The following NPIPA5 variants were observed in gnomAD, a reference collection of about 807,000 sequenced individuals.
NPIPA5 encodes nuclear pore complex-interacting protein family member A5.
Under a neutral mutation model 21.4 loss-of-function variants are expected in NPIPA5, and 6 were observed. That is an observed-to-expected ratio of 0.28 (90% CI 0.15 to 0.55). NPIPA5 has a LOEUF of 0.55. Among genes scored for constraint, NPIPA5 ranks in the 20% least tolerant of loss-of-function variants. The probability of loss-of-function intolerance (pLI) is 0.93; values close to 1 mark genes in which losing one functional copy is unlikely to be tolerated. For synonymous variants in NPIPA5, 33 were observed against 115.3 expected (o/e 0.29, Z 4.57); for missense variants, 99 against 318.2 (o/e 0.31, Z 5.24).
chr16:15,381,026 G>A (rs1177738117), upstream of NPIPA5: 5 of 1,512,172 alleles, frequency 3.3e-6, no homozygotes, highest in Admixed American at 6.8e-5. Context: ...CGTGGGGTCA[G>A]GACAATAGAG....
intron 4 of NPIPA5, among the ~76,000 whole-genome samples, chr16:15,367,232 T>A (rs1431165442): frequency 2.6e-5 from 4 of 152,148 alleles, no homozygotes; most frequent in Non-Finnish European, 2.9e-5. Flanking sequence ...ATGCCGGAAC[T>A]GAGACCATCA....
upstream of NPIPA5, among the ~76,000 whole-genome samples, chr16:15,378,750 A>C (rs2050369633): frequency 1.9e-4 from 4 of 21,428 alleles, no homozygotes; most frequent in Admixed American, 1.4e-3. Context: ...TTAACATCCG[A>C]AACCGAGTGA....
upstream of NPIPA5, chr16:15,381,539 T>C (rs1422752492): frequency 1.5e-5 from 9 of 583,212 alleles, no homozygotes; most frequent in African/African-American, 2.0e-5. Flanking sequence ...AGGTGCTCAA[T>C]AAACACTTGT....
chr16:15,376,058 A>G (rs2050283125), intron 1 of NPIPA5, among the ~76,000 whole-genome samples: 1 of 152,056 alleles, frequency 6.6e-6, no homozygotes, highest in Non-Finnish European at 1.5e-5. Flanking sequence ...AGAGAAGCAT[A>G]CAACAATGGT....
chr16:15,379,680 G>T (rs1163504530), upstream of NPIPA5, among the ~76,000 whole-genome samples: 5 of 152,104 alleles, frequency 3.3e-5, no homozygotes, highest in East Asian at 9.6e-4. Flanking sequence ...GGGCATGGTG[G>T]CTCACGCCTG....
In NPIPA5 at chr16:15,369,274, G is replaced by A. The variant is rs28679748; in HGVS notation, c.437+438C>T. Among the ~76,000 whole-genome samples, 1,264 of 148,996 alleles carry A rather than the reference G, an allele frequency of 8.5e-3. 22 individuals carry two copies. Among genetic ancestry groups the A allele is most frequent in the African/African-American group, 0.026 (1,079 of 40,886 alleles). ...AGTTCGAGACCAGTCTGGACAACAT[G>A]GTGAAACCCCATCTCTAGTAAAAAT... On this transcript the variant is annotated intron_variant, in intron 4 of 7. Coordinates refer to ENST00000360151, the MANE Select transcript of NPIPA5 (RefSeq NM_001277325.2).
At chr16:15,379,492 G>A (rs572470017), upstream of NPIPA5, among the ~76,000 whole-genome samples, 36 of 152,062 alleles carry the variant, frequency 2.4e-4, no homozygotes, top group Middle Eastern at 3.4e-3. Context: ...GTTTGAACCC[G>A]GGAGGCAGAG....
intron 2 of NPIPA5, among the ~76,000 whole-genome samples, chr16:15,372,201 C>T (rs2050173991): frequency 6.8e-6 from 1 of 147,262 alleles, no homozygotes; most frequent in Non-Finnish European, 1.5e-5. Flanking sequence ...TAAAAACTTC[C>T]CCTGGCTCAC....
At chr16:15,376,426 G>T (rs2050294810) in intron 1 of NPIPA5, among the ~76,000 whole-genome samples, 1 of 149,812 alleles carries the variant, frequency 6.7e-6, no homozygotes, top group South Asian at 2.2e-4. Context: ...CACTCGGGAG[G>T]CTGAGGCAGG....
chr16:15,367,056 A>G (rs1317761805), intron 4 of NPIPA5, among the ~76,000 whole-genome samples: 1 of 152,092 alleles, frequency 6.6e-6, no homozygotes, highest in Non-Finnish European at 1.5e-5. Context: ...GAGGTGCACT[A>G]TGTGCGTCTC....
intron 1 of NPIPA5, among the ~76,000 whole-genome samples, chr16:15,376,882 G>C (rs1280761601): frequency 2.6e-5 from 4 of 152,130 alleles, no homozygotes; most frequent in Non-Finnish European, 5.9e-5. Flanking sequence ...GCTGAGGCAG[G>C]ACAATTGCTT....
intron 1 of NPIPA5, among the ~76,000 whole-genome samples, chr16:15,375,525 C>T (rs1261388223): frequency 1.1e-4 from 16 of 151,248 alleles, no homozygotes; most frequent in Admixed American, 5.3e-4. Flanking sequence ...GGGTGGACCA[C>T]GAGATCAGGA....
At chr16:15,368,315 T>C (rs1292628395) in intron 4 of NPIPA5, among the ~76,000 whole-genome samples, 1 of 151,544 alleles carries the variant, frequency 6.6e-6, no homozygotes, top group Non-Finnish European at 1.5e-5. Context: ...CTGGCCTTTG[T>C]AGGGACTGAG....
intron 1 of NPIPA5, among the ~76,000 whole-genome samples, chr16:15,375,916 A>G (rs1201515484): frequency 6.6e-6 from 1 of 150,864 alleles, no homozygotes; most frequent in Non-Finnish European, 1.5e-5. Flanking sequence ...TCAATTCCTC[A>G]GGATTTAACT....
At chr16:15,371,182 T>A (rs2050147848) in intron 2 of NPIPA5, among the ~76,000 whole-genome samples, 1 of 145,084 alleles carries the variant, frequency 6.9e-6, no homozygotes, top group Non-Finnish European at 1.5e-5. Context: ...AGGAAGTAAT[T>A]AATTACCTTC....
intron 4 of NPIPA5, 131 bp downstream of exon 4, chr16:15,369,581 G>C (rs1368944308): frequency 4.3e-5 from 33 of 768,596 alleles, no homozygotes; most frequent in Non-Finnish European, 5.9e-5. Flanking sequence ...GAAGCAGAAA[G>C]GACAAACTCA....
upstream of NPIPA5, chr16:15,380,999 G>T (rs1489658070): frequency 6.6e-7 from 1 of 1,510,072 alleles, no homozygotes. Context: ...AGCTGGCCCT[G>T]GTCATGGGAC....
At chr16:15,366,799 C>T in intron 4 of NPIPA5, 39 bp from the exon 5 acceptor site, 6 of 1,493,730 alleles carry the variant, frequency 4.0e-6, no homozygotes, top group Non-Finnish European at 5.3e-6. Flanking sequence ...ATCCACCAGC[C>T]CGTGTGGGAT....
intron 4 of NPIPA5, among the ~76,000 whole-genome samples, chr16:15,369,114 A>T (rs1361590568): frequency 2.0e-5 from 3 of 148,712 alleles, no homozygotes; most frequent in Non-Finnish European, 4.5e-5. Context: ...ATTGCACCAT[A>T]GCACTCCAGC....
Sources: allele counts gnomAD v4.1 joint callset (sites outside exome capture counted in the v4.1 genomes callset), GRCh38; gene constraint gnomAD v4.1.1; transcripts MANE v1.5; gene names NCBI Gene and HGNC (gene_info 2026-07-23, HGNC 2026-07-21).